POMC: variants seen among roughly 807,000 people sequenced by gnomAD.
POMC encodes proopiomelanocortin.
In POMC, 19 loss-of-function variants were observed where a neutral mutation model predicts 18.5. The ratio of observed to expected loss-of-function variants is 1.03; its 90% CI spans 0.72 to 1.51. The LOEUF (loss-of-function observed/expected upper bound fraction) is 1.51. POMC is among the 40% of genes most tolerant of loss of function. POMC has a pLI of 0.00. For missense variants in POMC, 451 were observed against 379.0 expected, an observed-to-expected ratio of 1.19 and a Z score of -1.58; for synonymous variants, 179 against 161.9, an observed-to-expected ratio of 1.11 and a Z score of -0.80.
In POMC at chr2:25,161,755, G is replaced by T; in HGVS notation, c.133-3C>A. The stretch of plus-strand genomic sequence containing the variant: ...GGCTTGCAGGCCCGGATGCACTCCT[G>T]GGGGAAGACGCGAGGGCATGAGGGC... On this transcript the variant is annotated splice_polypyrimidine_tract_variant and splice_region_variant and intron_variant, in intron 2 of 2. Transcript: ENST00000395826. This position sits in a 1 kb window ranked among gnomAD's most constrained non-coding sequence, Gnocchi z 5.7. 6.3e-7 allele frequency: 1 copy of T among 1,589,466 alleles called. No homozygotes were observed. The highest frequency in any genetic ancestry group is 1.1e-5 in the South Asian group (1 of 87,358).
chr2:25,163,650 G>T (rs1671463473), intron 2 of POMC, among the ~76,000 whole-genome samples: 1 of 152,152 alleles, frequency 6.6e-6, no homozygotes, highest in African/African-American at 2.4e-5. Flanking sequence ...ATTTTGTTTT[G>T]TTTTGAGACA....
chr2:25,164,128 G>C (rs760596461), intron 2 of POMC, among the ~76,000 whole-genome samples: 1 of 149,716 alleles, frequency 6.7e-6, no homozygotes, highest in African/African-American at 2.5e-5. Context: ...ATAAACATGA[G>C]ACATTTGGCA....
At chr2:25,167,215 C>T (rs1168254040) in intron 1 of POMC, among the ~76,000 whole-genome samples, 1 of 152,126 alleles carries the variant, frequency 6.6e-6, no homozygotes, top group Non-Finnish European at 1.5e-5. Context: ...ATAACAAAAG[C>T]ATCAAAGGAA....
chr2:25,161,590 CGCT>C lies in POMC; in HGVS notation c.292_294del (p.Ser98del). On this transcript the variant is annotated inframe_deletion, in exon 3 of 3. Transcript: ENST00000395826. This position sits in a 1 kb window ranked among gnomAD's most constrained non-coding sequence, Gnocchi z 5.7. The stretch of plus-strand genomic sequence containing the variant: ...ACGTCCTCGCGCTTCTGCCCTGCGC[CGCT>C]GCTGCCGCTGCTGCTGCTGTTGCGG... 1.9e-6 allele frequency: 3 copies of C among 1,555,754 alleles called. No individual in the cohort carries two copies. Among genetic ancestry groups the C allele is most frequent in the Non-Finnish European group, 2.6e-6 (3 of 1,149,758 alleles).
chr2:25,161,695 T>A lies in POMC; in HGVS notation c.190A>T (p.Asn64Tyr), dbSNP rs1403207719. 6.3e-7 allele frequency: 1 copy of A among 1,584,986 alleles called. No homozygotes were observed. Among genetic ancestry groups the A allele is most frequent in the Non-Finnish European group, 8.6e-7 (1 of 1,166,774 alleles). ...LSAETPMFPG[N>Y]GDEQPLTENP... ...TCGGTCAGAGGCTGCTCGTCGCCAT[T>A]TCCCGGGAACATGGGAGTCTCGGCC... The change falls in exon 3 of 3, where the codon AAT (asparagine) becomes TAT (tyrosine). Residue 64 changes from asparagine to tyrosine, a missense_variant. Transcript: ENST00000395826. The surrounding 1 kb of genome is among the most constrained non-coding windows in gnomAD (Gnocchi z 5.7).
Position 25,161,514 on chromosome 2 carries a change from C to A in POMC, c.371G>T (p.Arg124Leu). 1 of 1,593,640 alleles carries A rather than the reference C, an allele frequency of 6.3e-7. No individual in the cohort carries two copies. Residue 124 changes from arginine (R) to leucine (L), a missense_variant, in exon 3 of 3, where the codon CGC becomes CTC. By Grantham distance (102) the Arg-to-Leu change is moderately radical (BLOSUM62 -2). Coordinates refer to ENST00000395826, the MANE Select transcript of POMC (RefSeq NM_000939.4). The surrounding 1 kb of genome is among the most constrained non-coding windows in gnomAD (Gnocchi z 5.7). ...GPLPEGGPEP[R>L]SDGAKPGPRE... is the part of the protein sequence containing the mutation. ...CGGGCCCGGCTTGGCACCATCGCTG[C>A]GGGGCTCGGGGCCGCCCTCAGGCAG...
intron 1 of POMC, among the ~76,000 whole-genome samples, chr2:25,167,290 AT>A (rs1256577737): frequency 1.3e-5 from 2 of 152,188 alleles, no homozygotes; most frequent in African/African-American, 4.8e-5. Flanking sequence ...CACAAAAAAA[AT>A]CCACACACAC....
Position 25,161,027 on chromosome 2 carries a change from G to C in POMC, c.*54C>G. On this transcript the variant is annotated 3_prime_UTR_variant, in exon 3 of 3. Coordinates refer to ENST00000395826, the MANE Select transcript of POMC (RefSeq NM_000939.4). The surrounding 1 kb of genome is among the most constrained non-coding windows in gnomAD (Gnocchi z 5.7). ...CGGCAGCAGGGCAGGGGAGAGCAAG[G>C]GGCTTTGGGGTCGACCTCCTGGGGG... is the stretch of plus-strand genomic sequence containing the variant. The C allele has an allele frequency of 2.5e-6, 4 of 1,611,926 alleles. No homozygotes were observed. Among genetic ancestry groups the C allele is most frequent in the Non-Finnish European group, 2.5e-6 (3 of 1,179,444 alleles).
Position 25,161,021 on chromosome 2 carries a change from A to G in POMC, c.*60T>C. 1 of 1,610,442 alleles carries G rather than the reference A, an allele frequency of 6.2e-7. No homozygotes were observed. On this transcript the variant is annotated 3_prime_UTR_variant, in exon 3 of 3. Transcript: ENST00000395826. The surrounding 1 kb of genome is among the most constrained non-coding windows in gnomAD (Gnocchi z 5.7). ...GGGAGGCGGCAGCAGGGCAGGGGAG[A>G]GCAAGGGGCTTTGGGGTCGACCTCC...
In POMC at chr2:25,161,489, CG is replaced by C; in HGVS notation, c.395del (p.Pro132ArgfsTer26). ...EPRSDGAKPG[P>X]REGKRSYSME... ...TGGAGTAGGAGCGCTTGCCCTCGCG[CG>C]GGCCCGGCTTGGCACCATCGCTGCG... On this transcript the variant is annotated frameshift_variant, in exon 3 of 3. Coordinates refer to ENST00000395826, the MANE Select transcript of POMC (RefSeq NM_000939.4). LOFTEE classifies it high-confidence loss of function. The surrounding 1 kb of genome is among the most constrained non-coding windows in gnomAD (Gnocchi z 5.7). The C allele has an allele frequency of 6.2e-7, 1 of 1,605,896 alleles. No homozygotes were observed. Among genetic ancestry groups the C allele is most frequent in the South Asian group, 1.1e-5 (1 of 89,976 alleles).
At chr2:25,163,387 C>A (rs1034724136) in intron 2 of POMC, among the ~76,000 whole-genome samples, 4 of 152,186 alleles carry the variant, frequency 2.6e-5, no homozygotes, top group Admixed American at 6.5e-5. Context: ...TCAAGAGACT[C>A]TTGGGTCTTT....
rs752992265 is a variant in POMC, at chr2:25,161,350, C to G, written c.535G>C (p.Glu179Gln). Reference protein sequence around the residue: ...AEAFPLEFKRELTGQRLREGD... With the variant: ...AEAFPLEFKRQLTGQRLREGD... ...TCCCGGAGTCGCTGGCCAGTCAGCTCCCTCTTGAACTCCAGGGGGAAGGCC... is the reference window on the plus strand; with the variant it reads ...TCCCGGAGTCGCTGGCCAGTCAGCTGCCTCTTGAACTCCAGGGGGAAGGCC... The change falls in exon 3 of 3, where the codon GAG (glutamate) becomes CAG (glutamine). Residue 179 changes from glutamate (E) to glutamine (Q), a missense_variant. By Grantham distance (29) the Glu-to-Gln change is conservative. Transcript: ENST00000395826. The surrounding 1 kb of genome is among the most constrained non-coding windows in gnomAD (Gnocchi z 5.7). 6 of 1,606,290 alleles carry G rather than the reference C, an allele frequency of 3.7e-6. No homozygotes were observed. The highest frequency in any genetic ancestry group is 5.1e-6 in the Non-Finnish European group (6 of 1,176,728).
At position 25,160,888 on chromosome 2, in the gene POMC, C is replaced by T. The variant is rs1671322711; in HGVS notation, c.*193G>A. The T allele has an allele frequency of 1.1e-6, 1 of 924,100 alleles. No individual in the cohort carries two copies. Among genetic ancestry groups the T allele is most frequent in the Non-Finnish European group, 1.6e-6 (1 of 633,250 alleles). 57.2% of individuals were successfully genotyped at this position (924,100 alleles called of 1,614,324 possible). A position where few individuals can be genotyped will look rare whatever the true frequency, so the allele number is the denominator to read the frequency against. ...GACGGCTACGTATTTTTACTTTATT[C>T]ACACAGTTTACATTCAAAGTCAGAG... On this transcript the variant is annotated 3_prime_UTR_variant, in exon 3 of 3. Coordinates refer to ENST00000395826, the MANE Select transcript of POMC (RefSeq NM_000939.4).
Position 25,161,737 on chromosome 2 carries a change from A to C in POMC, c.148T>G (p.Cys50Gly). 6.3e-7 allele frequency: 1 copy of C among 1,594,160 alleles called. No individual in the cohort carries two copies. Among genetic ancestry groups the C allele is most frequent in the African/African-American group, 1.3e-5 (1 of 74,366 alleles). ...GTCTCGGCCGAGAGGTCGGGCTTGC[A>C]GGCCCGGATGCACTCCTGGGGGAAG... ...ESNLLECIRA[C>G]KPDLSAETPM... The change falls in exon 3 of 3, where the codon TGC becomes GGC. Residue 50 changes from cysteine (C) to glycine (G), a missense_variant. Cys to Gly is a radical substitution (Grantham distance 159). Coordinates refer to ENST00000395826, the MANE Select transcript of POMC (RefSeq NM_000939.4). This position sits in a 1 kb window ranked among gnomAD's most constrained non-coding sequence, Gnocchi z 5.7.
rs1426220989 is a variant in POMC at position 25,161,088 on chromosome 2, C to CCTACAAGAAGGG, written c.796_797insCCCTTCTTGTAG (p.Lys265_Gly266insAlaLeuLeuVal). The CCTACAAGAAGGG allele has an allele frequency of 8.1e-6, 13 of 1,614,038 alleles. No homozygotes were observed. Among genetic ancestry groups the CCTACAAGAAGGG allele is most frequent in the Non-Finnish European group, 1.1e-5 (13 of 1,180,026 alleles). On this transcript the variant is annotated inframe_insertion, in exon 3 of 3. Coordinates refer to ENST00000395826, the MANE Select transcript of POMC (RefSeq NM_000939.4). The surrounding 1 kb of genome is among the most constrained non-coding windows in gnomAD (Gnocchi z 5.7). ...TGGGGCCCCGCTGTGCCCTCACTCG[C>CCTACAAGAAGGG]CCTTCTTGTAGGCGTTCTTGATGAT...
intron 2 of POMC, 117 bp downstream of exon 2, chr2:25,164,524 G>C: frequency 6.5e-7 from 1 of 1,529,912 alleles, no homozygotes. Context: ...GCCCTGGATT[G>C]AATCACGCCT....
Position 25,161,573 on chromosome 2 carries a change from G to C in POMC, c.312C>G (p.Arg104=). The change falls in exon 3 of 3, where the codon CGC becomes CGG. Residue 104 remains arginine (R), a synonymous_variant. Coordinates refer to ENST00000395826, the MANE Select transcript of POMC (RefSeq NM_000939.4). The surrounding 1 kb of genome is among the most constrained non-coding windows in gnomAD (Gnocchi z 5.7). The part of the protein sequence containing the change: ...SSGSSGAGQK[R]EDVSAGEDCG... ...AGTCTTCGCCCGCTGAGACGTCCTC[G>C]CGCTTCTGCCCTGCGCCGCTGCTGC... is the stretch of plus-strand genomic sequence containing the variant. 6.4e-7 allele frequency: 1 copy of C among 1,553,528 alleles called. No homozygotes were observed.
chr2:25,164,878 T>C, intron 1 of POMC, 86 bp from the exon 2 acceptor site: 2 of 1,428,608 alleles, frequency 1.4e-6, no homozygotes, highest in Non-Finnish European at 2.0e-6. Flanking sequence ...GAGCCAACAT[T>C]AACAACACAC....
At position 25,161,777 on chromosome 2, in the gene POMC, G is replaced by A; in HGVS notation, c.133-25C>T. 9 of 1,571,764 alleles carry A rather than the reference G, an allele frequency of 5.7e-6. No homozygotes were observed. The highest frequency in any genetic ancestry group is 1.4e-5 in the African/African-American group (1 of 73,652). Reference sequence around the variant, plus strand: ...CCTGGGGGAAGACGCGAGGGCATGAGGGCAGCCCGTGCCCCGCACCCCGGC... The same window carrying A: ...CCTGGGGGAAGACGCGAGGGCATGAAGGCAGCCCGTGCCCCGCACCCCGGC... On this transcript the variant is annotated intron_variant, in intron 2 of 2. Transcript: ENST00000395826. This position sits in a 1 kb window ranked among gnomAD's most constrained non-coding sequence, Gnocchi z 5.7.
Sources: allele counts gnomAD v4.1 joint callset (sites outside exome capture counted in the v4.1 genomes callset), GRCh38; gene constraint gnomAD v4.1.1; non-coding constraint Gnocchi (gnomAD v3.1); transcripts MANE v1.5; gene names NCBI Gene and HGNC (gene_info 2026-07-23, HGNC 2026-07-21).